Variants in GLIS3 observed in about 807,000 individuals in gnomAD.
GLIS3 encodes GLIS family zinc finger 3, also known as zinc finger protein GLIS3.
In GLIS3, 53 loss-of-function variants were observed where a neutral mutation model predicts 78.6. The observed-to-expected ratio is 0.67, with a 90% confidence interval of 0.54 to 0.85. The LOEUF is 0.85. GLIS3 is among the 40% of genes least tolerant of loss of function. The pLI is 0.00. For missense variants in GLIS3, 1,703 were observed against 1,231.1 expected, an observed-to-expected ratio of 1.38 and a Z score of -5.74; for synonymous variants, 684 against 509.9, an observed-to-expected ratio of 1.34 and a Z score of -4.60.
At position 4,262,152 on chromosome 9, in the gene GLIS3, T is replaced by C. The variant is rs144819417; in HGVS notation, c.388+23886A>G. Among the ~76,000 whole-genome samples, 628 of 152,158 alleles carry C rather than the reference T, an allele frequency of 4.1e-3. 8 individuals carry two copies. Among genetic ancestry groups the C allele is most frequent in the South Asian group, 0.035 (170 of 4,812 alleles). On this transcript the variant is annotated intron_variant, in intron 2 of 10. Coordinates refer to ENST00000381971, the MANE Select transcript of GLIS3 (RefSeq NM_001042413.2). The stretch of plus-strand genomic sequence containing the variant: ...AGAGTGCTCTCGGATCTGGGAGCCA[T>C]AGTGCAGTGCAAGGGGGAGAAAAAG...
the GLIS3 span, among the ~76,000 whole-genome samples, chr9:4,357,888 G>A: frequency 6.6e-6 from 1 of 152,196 alleles, no homozygotes; most frequent in Non-Finnish European, 1.5e-5. Flanking sequence ...GATGTTTGCT[G>A]TTAAATTGTT....
rs192071533 is a variant in GLIS3, at chr9:4,108,744, C to G, written c.1710+9024G>C. Among the ~76,000 whole-genome samples the G allele has an allele frequency of 2.0e-5, 3 of 152,142 alleles. No homozygotes were observed. The East Asian group carries it at 5.8e-4, about 29-fold the overall frequency. On this transcript the variant is annotated intron_variant, in intron 4 of 10. Transcript: ENST00000381971. ...ACATTCTAAAACACAGAAAAGATAA[C>G]TGTCTGGTGAGAGAAGCCTGAGAAT...
At chr9:4,201,105 G>A (rs536158568) in intron 2 of GLIS3, among the ~76,000 whole-genome samples, 82 of 152,176 alleles carry the variant, frequency 5.4e-4, no homozygotes, top group Non-Finnish European at 8.8e-4. Context: ...CTCAATAGAT[G>A]CAGAAAAAGC....
intron 2 of GLIS3, among the ~76,000 whole-genome samples, chr9:4,208,914 C>T (rs10814881): frequency 7.9e-5 from 12 of 152,042 alleles, no homozygotes; most frequent in African/African-American, 2.9e-4. Context: ...ATAATAAAGG[C>T]TGTCTGGATG....
chr9:4,254,082 A>T (rs1824674455), intron 2 of GLIS3, among the ~76,000 whole-genome samples: 1 of 152,198 alleles, frequency 6.6e-6, no homozygotes, highest in Non-Finnish European at 1.5e-5. Flanking sequence ...AGAGAATTTA[A>T]TGATGACTGG....
chr9:4,061,063 ATT>A lies in GLIS3; in HGVS notation c.1710+56703_1710+56704del, dbSNP rs147437972. Among the ~76,000 whole-genome samples, 22 of 147,174 alleles carry A rather than the reference ATT, an allele frequency of 1.5e-4. 1 individual carries two copies. Among genetic ancestry groups the A allele is most frequent in the Admixed American group, 6.1e-4 (9 of 14,810 alleles). On this transcript the variant is annotated intron_variant, in intron 4 of 10. Coordinates refer to ENST00000381971, the MANE Select transcript of GLIS3 (RefSeq NM_001042413.2). ...TCTGCTTCATAATGGCTACTGATCCATTTTTTTTTTTTACTATTACACTTTAA... is the reference window on the plus strand; with the variant it reads ...TCTGCTTCATAATGGCTACTGATCCATTTTTTTTTTACTATTACACTTTAA...
intron 4 of GLIS3, among the ~76,000 whole-genome samples, chr9:4,024,110 A>T (rs946451748): frequency 6.6e-6 from 1 of 152,188 alleles, no homozygotes; most frequent in Non-Finnish European, 1.5e-5. Context: ...TTAGTCCATG[A>T]AAGTTAATTT....
chr9:4,381,090 T>C, the GLIS3 span, among the ~76,000 whole-genome samples: 1 of 152,128 alleles, frequency 6.6e-6, no homozygotes, highest in Non-Finnish European at 1.5e-5. Flanking sequence ...AGGGGAAATC[T>C]TACTCATCAA....
intron 2 of GLIS3, among the ~76,000 whole-genome samples, chr9:4,196,178 C>G (rs751723460): frequency 1.3e-5 from 2 of 149,222 alleles, no homozygotes; most frequent in African/African-American, 2.5e-5. Context: ...GGAGAACTTT[C>G]ATGTCTAGCC....
intron 4 of GLIS3, among the ~76,000 whole-genome samples, chr9:4,057,103 T>C (rs1826216106): frequency 6.6e-6 from 1 of 152,052 alleles, no homozygotes; most frequent in Non-Finnish European, 1.5e-5. Context: ...CTAGAACACC[T>C]GGATGTGCAG....
chr9:4,464,780 A>G, the GLIS3 span, among the ~76,000 whole-genome samples: 2 of 152,234 alleles, frequency 1.3e-5, no homozygotes, highest in African/African-American at 4.8e-5. Flanking sequence ...AGTGGTATAT[A>G]GAAGAAGAAA....
At chr9:3,833,683 A>G (rs1195772605) in intron 9 of GLIS3, among the ~76,000 whole-genome samples, 1 of 152,208 alleles carries the variant, frequency 6.6e-6, no homozygotes, top group Non-Finnish European at 1.5e-5. Flanking sequence ...GTGAGAACAC[A>G]TGCATTTATA....
intron 4 of GLIS3, among the ~76,000 whole-genome samples, chr9:4,029,573 C>T (rs539243579): frequency 2.0e-5 from 3 of 152,018 alleles, no homozygotes; most frequent in Admixed American, 1.3e-4. Context: ...GACCCACTAA[C>T]CATCCCTGCC....
At chr9:3,853,474 T>G (rs1266778245) in intron 9 of GLIS3, among the ~76,000 whole-genome samples, 1 of 143,592 alleles carries the variant, frequency 7.0e-6, no homozygotes, top group Non-Finnish European at 1.6e-5. Flanking sequence ...GCTACAAACA[T>G]TATCCCTATT....
At chr9:4,074,548 A>C (rs1453312306) in intron 4 of GLIS3, among the ~76,000 whole-genome samples, 2 of 152,108 alleles carry the variant, frequency 1.3e-5, no homozygotes, top group African/African-American at 4.8e-5. Context: ...TAAAGATTCT[A>C]CCCAACTGTA....
At chr9:4,080,234 C>T (rs1828439581) in intron 4 of GLIS3, among the ~76,000 whole-genome samples, 1 of 152,164 alleles carries the variant, frequency 6.6e-6, no homozygotes. Flanking sequence ...TTCTTGCATT[C>T]GTAAGCATTT....
the GLIS3 span, among the ~76,000 whole-genome samples, chr9:4,413,369 G>T: frequency 6.6e-6 from 1 of 152,072 alleles, no homozygotes; most frequent in South Asian, 2.1e-4. Flanking sequence ...ACACATTCTT[G>T]GTCTCTTCCA....
chr9:4,117,242 C>G (rs536997738), intron 4 of GLIS3, among the ~76,000 whole-genome samples: 12 of 152,184 alleles, frequency 7.9e-5, no homozygotes, highest in Non-Finnish European at 1.8e-4. Flanking sequence ...GTCTCTCAAC[C>G]CTGGAAGGTA....
intron 9 of GLIS3, among the ~76,000 whole-genome samples, chr9:3,842,293 G>A (rs1377455869): frequency 1.3e-5 from 2 of 152,154 alleles, no homozygotes; most frequent in East Asian, 3.8e-4. Flanking sequence ...CCAAGATGGT[G>A]AAACCCTGTC....
Sources: gnomAD v4.1 joint callset for allele counts (sites outside exome capture counted in the v4.1 genomes callset) on GRCh38, gnomAD v4.1.1 for gene constraint, MANE v1.5 for transcripts, NCBI Gene and HGNC (gene_info 2026-07-23, HGNC 2026-07-21) for gene names.